Variants in PSD3 observed in about 807,000 individuals in gnomAD.
PSD3 encodes pleckstrin and Sec7 domain containing 3.
PSD3 carries 49 observed loss-of-function variants against 105.5 expected under a neutral mutation model. The ratio of observed to expected loss-of-function variants is 0.46; its 90% CI spans 0.37 to 0.59. The LOEUF (loss-of-function observed/expected upper bound fraction) is 0.59, where lower values mean the gene tolerates loss of function less well. PSD3 is among the 20% of genes least tolerant of loss of function. PSD3 has a pLI of 0.00. For synonymous variants in PSD3, 557 were observed against 457.8 expected (o/e 1.22, Z -2.77); for missense variants, 1,561 against 1,263.8 (o/e 1.24, Z -3.57).
intron 9 of PSD3, among the ~76,000 whole-genome samples, chr8:18,718,627 T>C (rs1438495848): frequency 6.6e-6 from 1 of 152,246 alleles, no homozygotes; most frequent in African/African-American, 2.4e-5. Flanking sequence ...TATTCATGTA[T>C]TAGCTGTGCT....
At chr8:18,667,998 C>T (rs1367190839) in intron 9 of PSD3, among the ~76,000 whole-genome samples, 3 of 152,360 alleles carry the variant, frequency 2.0e-5, no homozygotes, top group Non-Finnish European at 4.4e-5. Context: ...GCGGAAGCCA[C>T]ACCCACCAAG....
At chr8:18,923,553 A>G (rs1314530171) in intron 2 of PSD3, among the ~76,000 whole-genome samples, 7 of 152,198 alleles carry the variant, frequency 4.6e-5, no homozygotes, top group African/African-American at 1.7e-4. Flanking sequence ...ATGTTTAGAC[A>G]TACAAAGACC....
chr8:19,066,743 C>T (rs1234396708), intron 1 of PSD3, among the ~76,000 whole-genome samples: 1 of 152,340 alleles, frequency 6.6e-6, no homozygotes, highest in East Asian at 1.9e-4. Flanking sequence ...GTTGTTCTTT[C>T]AAACATTAAC....
intron 11 of PSD3, among the ~76,000 whole-genome samples, chr8:18,608,324 C>T (rs1327652461): frequency 9.2e-5 from 14 of 152,280 alleles, no homozygotes. Flanking sequence ...TGGTCTGTAC[C>T]AGTACACAGT....
intron 7 of PSD3, among the ~76,000 whole-genome samples, chr8:18,800,110 A>T (rs1235478882): frequency 1.3e-5 from 2 of 152,194 alleles, no homozygotes; most frequent in Non-Finnish European, 2.9e-5. Flanking sequence ...CAAATTCTCG[A>T]AAGTATTTTA....
chr8:18,777,006 T>C (rs925373428), intron 8 of PSD3, among the ~76,000 whole-genome samples: 1 of 152,132 alleles, frequency 6.6e-6, no homozygotes, highest in Admixed American at 6.6e-5. Context: ...TTATTGATTT[T>C]GGTCTTTTTT....
chr8:18,664,916 T>C (rs1221972654), intron 9 of PSD3, among the ~76,000 whole-genome samples: 1 of 152,218 alleles, frequency 6.6e-6, no homozygotes, highest in Non-Finnish European at 1.5e-5. Context: ...GTTGACAGGA[T>C]GGTTTGCTAA....
intron 4 of PSD3, among the ~76,000 whole-genome samples, chr8:18,811,544 T>C (rs1811681856): frequency 1.3e-5 from 2 of 152,134 alleles, no homozygotes; most frequent in African/African-American, 4.8e-5. Context: ...AGAGCAAAGA[T>C]AGAAGAGGAA....
At chr8:18,861,006 T>A (rs1451565940) in intron 4 of PSD3, among the ~76,000 whole-genome samples, 1 of 152,224 alleles carries the variant, frequency 6.6e-6, no homozygotes, top group East Asian at 1.9e-4. Context: ...TTGGTTTGTT[T>A]GTTTTAAGGT....
intron 11 of PSD3, among the ~76,000 whole-genome samples, chr8:18,615,574 A>G (rs573895924): frequency 1.3e-5 from 2 of 152,362 alleles, no homozygotes; most frequent in South Asian, 2.1e-4. Context: ...ATAACATTTG[A>G]TAAGTTCGTT....
intron 1 of PSD3, among the ~76,000 whole-genome samples, chr8:18,967,119 C>A (rs764510166): frequency 8.6e-5 from 13 of 152,002 alleles, no homozygotes; most frequent in Non-Finnish European, 1.5e-4. Context: ...TAAGACCTAT[C>A]AGCATGGAAT....
intron 11 of PSD3, among the ~76,000 whole-genome samples, chr8:18,614,211 G>T (rs181914207): frequency 3.0e-4 from 45 of 152,104 alleles, no homozygotes; most frequent in African/African-American, 9.9e-4. Context: ...TTTTCTTTGG[G>T]TCAGTTAACA....
intron 8 of PSD3, among the ~76,000 whole-genome samples, chr8:18,792,028 A>G (rs1809770014): frequency 2.0e-5 from 3 of 152,208 alleles, no homozygotes; most frequent in South Asian, 2.1e-4. Context: ...ATCTCACACC[A>G]GTCAGAATGG....
At chr8:18,698,628 G>A (rs1238608071) in intron 9 of PSD3, among the ~76,000 whole-genome samples, 1 of 152,134 alleles carries the variant, frequency 6.6e-6, no homozygotes, top group Non-Finnish European at 1.5e-5. Flanking sequence ...TTGGACTTCT[G>A]ACCTTCAGAC....
At chr8:18,660,983 C>G (rs935408219) in intron 9 of PSD3, among the ~76,000 whole-genome samples, 1 of 152,190 alleles carries the variant, frequency 6.6e-6, no homozygotes, top group Admixed American at 6.5e-5. Flanking sequence ...TTGGTTGCTT[C>G]TCAGAGACGA....
At chr8:19,080,474 C>T (rs1356137592) in intron 1 of PSD3, among the ~76,000 whole-genome samples, 1 of 152,166 alleles carries the variant, frequency 6.6e-6, no homozygotes, top group African/African-American at 2.4e-5. Flanking sequence ...GAGTAACAGT[C>T]CAAGACAGAG....
At chr8:18,962,314 G>C (rs1286402500) in intron 1 of PSD3, among the ~76,000 whole-genome samples, 9 of 152,074 alleles carry the variant, frequency 5.9e-5, no homozygotes, top group African/African-American at 2.2e-4. Flanking sequence ...GTTATCAACA[G>C]AGAAGAAAAG....
intron 12 of PSD3, among the ~76,000 whole-genome samples, chr8:18,584,157 A>G (rs768490165): frequency 6.6e-6 from 1 of 152,220 alleles, no homozygotes; most frequent in African/African-American, 2.4e-5. Flanking sequence ...GATACGAGAC[A>G]TTTTCCAGTG....
intron 12 of PSD3, among the ~76,000 whole-genome samples, chr8:18,596,972 G>A (rs1242945259): frequency 6.6e-6 from 1 of 152,118 alleles, no homozygotes; most frequent in Non-Finnish European, 1.5e-5. Context: ...CTCATTTTAT[G>A]AGGCCAGCAT....
Sources: gnomAD v4.1 joint callset for allele counts (sites outside exome capture counted in the v4.1 genomes callset) on GRCh38, gnomAD v4.1.1 for gene constraint, MANE v1.5 for transcripts, NCBI Gene and HGNC (gene_info 2026-07-23, HGNC 2026-07-21) for gene names.